The following FSTL4 variants were observed in gnomAD, a reference collection of about 807,000 sequenced individuals.
FSTL4 encodes the protein follistatin like 4.
In FSTL4, 28 loss-of-function variants were observed where a neutral mutation model predicts 78.2. The ratio of observed to expected loss-of-function variants is 0.36; its 90% CI spans 0.27 to 0.49. FSTL4 has a LOEUF of 0.49. FSTL4 is among the 20% of genes least tolerant of loss of function. The pLI is 0.98. For missense variants in FSTL4, 922 were observed against 1,084.9 expected (o/e 0.85, Z 2.11); for synonymous variants, 422 against 440.5 (o/e 0.96, Z 0.53).
At chr5:133,547,289 A>G (rs186768984) in intron 3 of FSTL4, among the ~76,000 whole-genome samples, 46 of 152,200 alleles carry the variant, frequency 3.0e-4, no homozygotes, top group Non-Finnish European at 4.3e-4. Flanking sequence ...CTGTCCATTC[A>G]TTGTATCTTG....
the FSTL4 span, among the ~76,000 whole-genome samples, chr5:133,706,036 G>A: frequency 1.3e-5 from 2 of 152,166 alleles, no homozygotes; most frequent in East Asian, 3.8e-4. Flanking sequence ...CCCTGCAAAT[G>A]CTCCCATAAA....
chr5:133,469,945 A>C (rs1757787406), intron 3 of FSTL4, among the ~76,000 whole-genome samples: 1 of 151,818 alleles, frequency 6.6e-6, no homozygotes. Flanking sequence ...CTTATGCAGA[A>C]AAAAAAAACA....
chr5:133,687,387 G>A, the FSTL4 span, among the ~76,000 whole-genome samples: 2 of 152,196 alleles, frequency 1.3e-5, no homozygotes, highest in African/African-American at 4.8e-5. Flanking sequence ...TGTGGCGTGA[G>A]GCTAAGTGGT....
chr5:133,838,559 G>A, the FSTL4 span, among the ~76,000 whole-genome samples: 6 of 152,158 alleles, frequency 3.9e-5, no homozygotes, highest in African/African-American at 1.2e-4. Context: ...CGCATGTCTG[G>A]TACCCAGTCT....
intron 3 of FSTL4, among the ~76,000 whole-genome samples, chr5:133,488,440 G>A (rs1452446922): frequency 6.6e-6 from 1 of 152,144 alleles, no homozygotes; most frequent in African/African-American, 2.4e-5. Context: ...TTTTGGTAGA[G>A]ATGTGGTTTC....
At chr5:133,773,577 C>G in the FSTL4 span, among the ~76,000 whole-genome samples, 1 of 152,176 alleles carries the variant, frequency 6.6e-6, no homozygotes, top group Non-Finnish European at 1.5e-5. Context: ...GACCTCTCTC[C>G]CTTGCGTACA....
the FSTL4 span, among the ~76,000 whole-genome samples, chr5:133,684,937 T>C: frequency 3.3e-3 from 510 of 152,340 alleles, 3 homozygotes; most frequent in Middle Eastern, 0.01. Flanking sequence ...GATTGAGATG[T>C]ATTTGTGACA....
chr5:133,437,211 T>C (rs1326322549), intron 3 of FSTL4, among the ~76,000 whole-genome samples: 1 of 152,190 alleles, frequency 6.6e-6, no homozygotes, highest in African/African-American at 2.4e-5. Flanking sequence ...TTCTGAGTTT[T>C]AGTTGCCGGT....
chr5:133,644,958 C>T, the FSTL4 span, among the ~76,000 whole-genome samples: 1 of 152,090 alleles, frequency 6.6e-6, no homozygotes, highest in African/African-American at 2.4e-5. Context: ...AGGCAGCTCC[C>T]CTCCACAGCC....
At chr5:133,308,556 A>T (rs1753705879) in intron 6 of FSTL4, among the ~76,000 whole-genome samples, 1 of 152,224 alleles carries the variant, frequency 6.6e-6, no homozygotes, top group East Asian at 1.9e-4. Context: ...ATTGGCTGAG[A>T]TAGCATGTGT....
At chr5:133,562,859 AT>A (rs1292726655) in intron 3 of FSTL4, among the ~76,000 whole-genome samples, 1 of 152,186 alleles carries the variant, frequency 6.6e-6, no homozygotes, top group African/African-American at 2.4e-5. Context: ...ATTCAACATG[AT>A]GGGAACAGTC....
intron 4 of FSTL4, among the ~76,000 whole-genome samples, chr5:133,325,325 C>T (rs544799574): frequency 5.9e-5 from 9 of 152,304 alleles, no homozygotes; most frequent in Non-Finnish European, 7.4e-5. Context: ...GCTTTATACA[C>T]AGGCAGAATG....
At position 133,236,592 on chromosome 5, in the gene FSTL4, C is replaced by T. The variant is rs557331184; in HGVS notation, c.895-3055G>A. Reference sequence around the variant, plus strand: ...CCTTCCTGGGTGATGCCAGGGACCCCGGCTTCCGGCCCACAGACTCTGCCC... The same window carrying T: ...CCTTCCTGGGTGATGCCAGGGACCCTGGCTTCCGGCCCACAGACTCTGCCC... On this transcript the variant is annotated intron_variant, in intron 7 of 15. Transcript: ENST00000265342. This position sits in a 1 kb window ranked among gnomAD's most constrained non-coding sequence, Gnocchi z 5.0. 2.2e-4 allele frequency among the ~76,000 whole-genome samples: 34 copies of T among 152,316 alleles called. No homozygotes were observed. The highest frequency in any genetic ancestry group is 7.2e-4 in the African/African-American group (30 of 41,578).
At chr5:133,836,680 T>A in the FSTL4 span, among the ~76,000 whole-genome samples, 1 of 152,164 alleles carries the variant, frequency 6.6e-6, no homozygotes, top group Non-Finnish European at 1.5e-5. Context: ...TCTCACAATT[T>A]TTGTCTAAAA....
At chr5:133,731,302 G>A in the FSTL4 span, among the ~76,000 whole-genome samples, 6 of 151,854 alleles carry the variant, frequency 4.0e-5, no homozygotes. Flanking sequence ...TGGAAAAAAA[G>A]CAAGTCATCT....
At chr5:133,529,480 C>T (rs1185837475) in intron 3 of FSTL4, among the ~76,000 whole-genome samples, 1 of 152,198 alleles carries the variant, frequency 6.6e-6, no homozygotes, top group East Asian at 1.9e-4. Flanking sequence ...GCTCCCAATG[C>T]TTTCTTGAGC....
At chr5:133,337,366 A>G (rs1045805389) in intron 4 of FSTL4, among the ~76,000 whole-genome samples, 1 of 152,144 alleles carries the variant, frequency 6.6e-6, no homozygotes, top group African/African-American at 2.4e-5. Context: ...CACTTTCCCT[A>G]GTTTTTAAAT....
chr5:133,284,005 C>T (rs578046691), intron 6 of FSTL4, among the ~76,000 whole-genome samples: 89 of 152,238 alleles, frequency 5.8e-4, no homozygotes, highest in African/African-American at 2.0e-3. Context: ...ATGAGAGTGG[C>T]AAGGGGGAAA....
At chr5:133,806,935 G>A in the FSTL4 span, among the ~76,000 whole-genome samples, 1 of 152,192 alleles carries the variant, frequency 6.6e-6, no homozygotes, top group Non-Finnish European at 1.5e-5. Flanking sequence ...CCTAGTCAGG[G>A]CGATGCCCAT....
Sources: gnomAD v4.1 joint callset for allele counts (sites outside exome capture counted in the v4.1 genomes callset) on GRCh38, gnomAD v4.1.1 for gene constraint, Gnocchi (gnomAD v3.1) non-coding constraint, MANE v1.5 for transcripts, NCBI Gene and HGNC (gene_info 2026-07-23, HGNC 2026-07-21) for gene names.